OPCML: variants seen among roughly 807,000 people sequenced by gnomAD.
The protein encoded by OPCML is opioid binding protein/cell adhesion molecule like.
In OPCML, 13 loss-of-function variants were observed where a neutral mutation model predicts 37.8. That is an observed-to-expected ratio of 0.34 (90% confidence interval 0.22 to 0.55). The LOEUF (loss-of-function observed/expected upper bound fraction) is 0.55. Ranked by LOEUF, OPCML falls within the 20% of genes least tolerant of loss-of-function variation. OPCML has a pLI of 0.91. For missense variants in OPCML, 341 were observed against 435.6 expected, an observed-to-expected ratio of 0.78 and a Z score of 1.93; for synonymous variants, 176 against 168.8, an observed-to-expected ratio of 1.04 and a Z score of -0.33.
chr11:132,496,529 T>C (rs530055580), intron 4 of OPCML, among the ~76,000 whole-genome samples: 10 of 152,320 alleles, frequency 6.6e-5, no homozygotes, highest in Non-Finnish European at 1.2e-4. Context: ...ACACAGCAGG[T>C]TGGCCTCCTG....
chr11:133,154,267 A>G (rs1419754120), intron 1 of OPCML, among the ~76,000 whole-genome samples: 1 of 151,802 alleles, frequency 6.6e-6, no homozygotes, highest in African/African-American at 2.4e-5. Flanking sequence ...GGCTGACCTG[A>G]CCCTGGCCCC....
At chr11:132,960,712 G>A (rs1042164905) in intron 1 of OPCML, among the ~76,000 whole-genome samples, 6 of 152,118 alleles carry the variant, frequency 3.9e-5, no homozygotes, top group Non-Finnish European at 7.4e-5. Context: ...TTCTCTCTCT[G>A]TCAAGATATC....
chr11:133,161,985 C>CTTTTTGTT (rs1950148211), intron 1 of OPCML, among the ~76,000 whole-genome samples: 2 of 85,482 alleles, frequency 2.3e-5, no homozygotes, highest in African/African-American at 4.6e-5. Flanking sequence ...CAGTCTCTGT[C>CTTTTTGTT]TTTTTTTTTT....
chr11:133,241,729 G>A (rs969829106), intron 1 of OPCML, among the ~76,000 whole-genome samples: 7 of 152,208 alleles, frequency 4.6e-5, no homozygotes, highest in African/African-American at 1.7e-4. Context: ...GAAGGGAAGA[G>A]CATTTGCACT....
In OPCML at chr11:132,943,846, C is replaced by A. The variant is rs1463799048; in HGVS notation, c.62-836G>T. 1 of 150,744 alleles carries A rather than the reference C, an allele frequency of 6.6e-6. No homozygotes were observed. Among genetic ancestry groups the A allele is most frequent in the Non-Finnish European group, 1.5e-5 (1 of 67,588 alleles). 9.3% of individuals were successfully genotyped at this position (150,744 alleles called of 1,614,324 possible). On this transcript the variant is annotated intron_variant, in intron 1 of 7. Transcript: ENST00000524381. The surrounding 1 kb of genome is among the most constrained non-coding windows in gnomAD (Gnocchi z 4.3). ...GGACGCGGCACGAGACGCGGGGACGCGCGGACGCCACGCTCAGCGGCCGCC... is the reference window on the plus strand; with the variant it reads ...GGACGCGGCACGAGACGCGGGGACGAGCGGACGCCACGCTCAGCGGCCGCC...
chr11:133,207,312 CA>C (rs1298979038), intron 1 of OPCML, among the ~76,000 whole-genome samples: 1 of 151,794 alleles, frequency 6.6e-6, no homozygotes, highest in Non-Finnish European at 1.5e-5. Flanking sequence ...AAACAAAAAA[CA>C]AACAAACAAA....
intron 1 of OPCML, among the ~76,000 whole-genome samples, chr11:133,436,602 G>A (rs948567956): frequency 2.0e-5 from 3 of 152,168 alleles, no homozygotes; most frequent in African/African-American, 7.2e-5. Flanking sequence ...TGAGTGCCAG[G>A]ACGTACTATG....
intron 2 of OPCML, among the ~76,000 whole-genome samples, chr11:132,696,192 T>C (rs3016389): frequency 0.49 from 73,988 of 152,050 alleles, 18,188 homozygotes; most frequent in Admixed American, 0.56. Flanking sequence ...CATGTCTGTG[T>C]TAAGAAATGT....
intron 1 of OPCML, among the ~76,000 whole-genome samples, chr11:133,227,876 C>A (rs1411605710): frequency 2.0e-5 from 3 of 152,166 alleles, no homozygotes; most frequent in Non-Finnish European, 2.9e-5. Context: ...GGTGCAAACG[C>A]TGGGCCCTGT....
At position 132,948,902 on chromosome 11, in the gene OPCML, T is replaced by C. The variant is rs1272177459; in HGVS notation, c.62-5892A>G. Among the ~76,000 whole-genome samples, 56 of 152,228 alleles carry C rather than the reference T, an allele frequency of 3.7e-4. 2 individuals are homozygous for C. Among genetic ancestry groups the C allele is most frequent in the Admixed American group, 2.7e-3 (42 of 15,278 alleles). On this transcript the variant is annotated intron_variant, in intron 1 of 7. Transcript: ENST00000524381. ...CTCAGACCTACAGAAGTCTCGTTTATGACAATTTGTAACAGAAAATGCAAA... is the reference window on the plus strand; with the variant it reads ...CTCAGACCTACAGAAGTCTCGTTTACGACAATTTGTAACAGAAAATGCAAA...
chr11:132,756,569 A>G (rs1235289664), intron 2 of OPCML, among the ~76,000 whole-genome samples: 1 of 152,152 alleles, frequency 6.6e-6, no homozygotes, highest in Non-Finnish European at 1.5e-5. Flanking sequence ...TAACCTGTTT[A>G]TTGTGTTTCA....
chr11:133,413,423 A>G (rs1380420566), intron 1 of OPCML, among the ~76,000 whole-genome samples: 1 of 152,038 alleles, frequency 6.6e-6, no homozygotes, highest in Non-Finnish European at 1.5e-5. Flanking sequence ...GCACATGTAT[A>G]CATATGTAAC....
intron 2 of OPCML, among the ~76,000 whole-genome samples, chr11:132,806,673 C>T (rs934402422): frequency 6.6e-6 from 1 of 152,066 alleles, no homozygotes; most frequent in African/African-American, 2.4e-5. Flanking sequence ...ATTTTAATTC[C>T]ACTCACTCAG....
chr11:132,755,724 A>T (rs1257850955), intron 2 of OPCML, among the ~76,000 whole-genome samples: 1 of 152,230 alleles, frequency 6.6e-6, no homozygotes, highest in Non-Finnish European at 1.5e-5. Flanking sequence ...TAGCTCACAC[A>T]GTTTGTCATT....
chr11:133,251,042 C>T (rs2078454), intron 1 of OPCML, among the ~76,000 whole-genome samples: 1 of 151,862 alleles, frequency 6.6e-6, no homozygotes, highest in Admixed American at 6.6e-5. Flanking sequence ...ATCAGAGAAG[C>T]CTTTTCCTTT....
In OPCML at chr11:133,200,575, C is replaced by T. The variant is rs1938730743; in HGVS notation, c.62-257565G>A. On this transcript the variant is annotated intron_variant, in intron 1 of 7. Transcript: ENST00000524381. ...AAACATCTCTGGATGTATATCTAACCTATAGATATAGATATATACTAGGAC... is the reference window on the plus strand; with the variant it reads ...AAACATCTCTGGATGTATATCTAACTTATAGATATAGATATATACTAGGAC... Among the ~76,000 whole-genome samples, 3 of 152,006 alleles carry T rather than the reference C, an allele frequency of 2.0e-5. No homozygotes were observed. In the South Asian group the frequency reaches 6.2e-4, roughly 32 times the overall value.
chr11:133,326,854 T>G (rs893929160), intron 1 of OPCML, among the ~76,000 whole-genome samples: 2 of 131,264 alleles, frequency 1.5e-5, no homozygotes, highest in Non-Finnish European at 3.2e-5. Flanking sequence ...GTGTATATTG[T>G]GTAGTGACGT....
intron 2 of OPCML, among the ~76,000 whole-genome samples, chr11:132,885,819 C>A (rs183676515): frequency 6.5e-4 from 99 of 152,236 alleles, no homozygotes; most frequent in South Asian, 1.9e-3. Context: ...AAATAAATTT[C>A]TCTTGGCATG....
At chr11:133,137,389 G>T (rs1182408726) in intron 1 of OPCML, among the ~76,000 whole-genome samples, 1 of 152,200 alleles carries the variant, frequency 6.6e-6, no homozygotes, top group Non-Finnish European at 1.5e-5. Flanking sequence ...GGCACAGAGA[G>T]AAACAATGTG....
Sources: gnomAD v4.1 joint callset for allele counts (sites outside exome capture counted in the v4.1 genomes callset) on GRCh38, gnomAD v4.1.1 for gene constraint, Gnocchi (gnomAD v3.1) non-coding constraint, MANE v1.5 for transcripts, NCBI Gene and HGNC (gene_info 2026-07-23, HGNC 2026-07-21) for gene names.